ZFHX2: variants seen among roughly 807,000 people sequenced by gnomAD.
The protein encoded by ZFHX2 is zinc finger homeobox 2.
In ZFHX2, 75 loss-of-function variants were observed where a neutral mutation model predicts 164.8. The observed-to-expected ratio is 0.46, with a 90% CI of 0.38 to 0.55. The LOEUF is 0.55. Among genes scored for constraint, ZFHX2 ranks in the 20% least tolerant of loss-of-function variants. The pLI, the probability that ZFHX2 is intolerant of heterozygous loss-of-function variation, is 0.00. For missense variants in ZFHX2, 2,933 were observed against 3,308.0 expected, an observed-to-expected ratio of 0.89 and a Z score of 2.78; for synonymous variants, 1,217 against 1,351.4, an observed-to-expected ratio of 0.90 and a Z score of 2.18.
At chr14:23,547,711 A>C (rs1881534248) in intron 1 of ZFHX2, among the ~76,000 whole-genome samples, 1 of 152,110 alleles carries the variant, frequency 6.6e-6, no homozygotes, top group African/African-American at 2.4e-5. Context: ...TTTGCCCATT[A>C]ATGTAGACTT....
rs1444759945 is a variant in ZFHX2, at chr14:23,521,756, A to G, written c.*206T>C. ...TGCAAGGAGCTGAGGAGGAGGATCAATGTGTGTGTCTGTGGGGATTGGGAG... is the reference window on the plus strand; with the variant it reads ...TGCAAGGAGCTGAGGAGGAGGATCAGTGTGTGTGTCTGTGGGGATTGGGAG... On this transcript the variant is annotated 3_prime_UTR_variant, in exon 10 of 10. Coordinates refer to ENST00000419474, the MANE Select transcript of ZFHX2 (RefSeq NM_033400.3). 2 of 851,600 alleles carry G rather than the reference A, an allele frequency of 2.3e-6. No homozygotes were observed. The highest frequency in any genetic ancestry group is 2.8e-5 in the East Asian group (1 of 35,340). 52.8% of individuals were successfully genotyped at this position (851,600 alleles called of 1,614,324 possible).
Position 23,551,623 on chromosome 14 carries a change from G to T in ZFHX2, c.-330C>A. The T allele has an allele frequency of 6.5e-6, 1 of 153,492 alleles. No homozygotes were observed. Among genetic ancestry groups the T allele is most frequent in the South Asian group, 1.8e-4 (1 of 5,538 alleles). The allele number at this position is 153,492 out of a possible 1,614,324, so 9.5% of individuals were successfully genotyped here. A position where few individuals can be genotyped will look rare whatever the true frequency, so the allele number is the denominator to read the frequency against. ...CCGGCTTCGTGAGGGGGTTTCCATT[G>T]ATTCACCCTGGGCACTCGCTCGCTC... On this transcript the variant is annotated 5_prime_UTR_variant, in exon 1 of 10. Coordinates refer to ENST00000419474, the MANE Select transcript of ZFHX2 (RefSeq NM_033400.3). This position sits in a 1 kb window ranked among gnomAD's most constrained non-coding sequence, Gnocchi z 5.3.
chr14:23,530,741 C>A (rs1012337415), intron 4 of ZFHX2: 7 of 296,410 alleles, frequency 2.4e-5, no homozygotes, highest in African/African-American at 1.6e-4. Flanking sequence ...AGCTATTGAT[C>A]TGGGCCCCTC....
chr14:23,549,199 T>C lies in ZFHX2; in HGVS notation c.-50+2144A>G, dbSNP rs77494157. 4.1e-3 allele frequency among the ~76,000 whole-genome samples: 622 copies of C among 152,302 alleles called. 9 individuals are homozygous for C. Among genetic ancestry groups the C allele is most frequent in the African/African-American group, 0.014 (588 of 41,558 alleles). On this transcript the variant is annotated intron_variant, in intron 1 of 9. Coordinates refer to ENST00000419474, the MANE Select transcript of ZFHX2 (RefSeq NM_033400.3). ...GTTTTGTTTCATTCTTCCAATTTCT[T>C]ATTAATCACCCCTTGGTTCCTCCCC...
rs1881353334 is a variant in ZFHX2 at position 23,546,105 on chromosome 14, G to C, written c.-50+5238C>G. Among the ~76,000 whole-genome samples, 1 of 152,172 alleles carries C rather than the reference G, an allele frequency of 6.6e-6. No homozygotes were observed. On this transcript the variant is annotated intron_variant, in intron 1 of 9. Transcript: ENST00000419474. The surrounding 1 kb of genome is among the most constrained non-coding windows in gnomAD (Gnocchi z 4.7). ...TTAAATTCCTGCCTACACCCATTCT[G>C]CCCCACTGACTTTGCACATCAACGT...
At position 23,525,833 on chromosome 14, in the gene ZFHX2, T is replaced by C; in HGVS notation, c.4109A>G (p.His1370Arg). 6.9e-7 allele frequency: 1 copy of C among 1,454,020 alleles called. No homozygotes were observed. Among genetic ancestry groups the C allele is most frequent in the East Asian group, 2.5e-5 (1 of 40,140 alleles). 90.1% of individuals were successfully genotyped at this position (1,454,020 alleles called of 1,614,324 possible). The change falls in exon 9 of 10, where the codon CAC (histidine) becomes CGC (arginine). Residue 1370 changes from histidine to arginine, a missense_variant. Transcript: ENST00000419474. The surrounding 1 kb of genome is among the most constrained non-coding windows in gnomAD (Gnocchi z 5.9). ...CAGCTTGGGCCCCACCTTGAGATCG[T>C]GGAGGTAGAAGGGCAGGAGCAGCTG... is the stretch of plus-strand genomic sequence containing the variant. ...QQQLLLPFYL[H>R]DLKVGPKLTL... is the part of the protein sequence containing the mutation.
In ZFHX2 at chr14:23,527,200, A is replaced by T. The variant is rs77822051; in HGVS notation, c.3136-227T>A. The stretch of plus-strand genomic sequence containing the variant: ...CTCTTTCCCCAAACCAGAAGTCATC[A>T]TTCTTTGAGGCTACCTGGTCTGGCA... On this transcript the variant is annotated intron_variant, in intron 7 of 9. Coordinates refer to ENST00000419474, the MANE Select transcript of ZFHX2 (RefSeq NM_033400.3). Among the ~76,000 whole-genome samples, 949 of 152,204 alleles carry T rather than the reference A, an allele frequency of 6.2e-3. 8 individuals are homozygous for T. The highest frequency in any genetic ancestry group is 0.022 in the African/African-American group (916 of 41,522).
At chr14:23,528,902 G>A in intron 6 of ZFHX2, 1 of 910,496 alleles carries the variant, frequency 1.1e-6, no homozygotes. Context: ...TGTCAGGGAG[G>A]GGATGACTGT....
rs1405153938 is a variant in ZFHX2, at chr14:23,524,862, C to T, written c.5080G>A (p.Asp1694Asn). Reference sequence around the variant, plus strand: ...TCCTCCTCTTCAAGGGTCTGGTCATCATAGCACTTCTTGAGGTGGCGCACC... The same window carrying T: ...TCCTCCTCTTCAAGGGTCTGGTCATTATAGCACTTCTTGAGGTGGCGCACC... ...ELVRHLKKCY[D>N]DQTLEEEEEE... The change falls in exon 9 of 10, where the codon GAT becomes AAT. Residue 1694 changes from aspartate (D) to asparagine (N), a missense_variant. By Grantham distance (23) the Asp-to-Asn change is conservative (BLOSUM62 1). Transcript: ENST00000419474. The surrounding 1 kb of genome is among the most constrained non-coding windows in gnomAD (Gnocchi z 5.6). 2 of 1,536,682 alleles carry T rather than the reference C, an allele frequency of 1.3e-6. No homozygotes were observed. The highest frequency in any genetic ancestry group is 2.0e-5 in the Admixed American group (1 of 51,008).
chr14:23,554,966 G>GC (rs1366873127), upstream of ZFHX2, among the ~76,000 whole-genome samples: 1 of 152,062 alleles, frequency 6.6e-6, no homozygotes, highest in Non-Finnish European at 1.5e-5. Flanking sequence ...CATTCAAAGG[G>GC]CCAACCCCCA....
rs2138797099 is a variant in ZFHX2 at position 23,535,013 on chromosome 14, G to GC, written c.312dup (p.Leu105AlafsTer17). 1 of 1,536,116 alleles carries GC rather than the reference G, an allele frequency of 6.5e-7. No homozygotes were observed. Among genetic ancestry groups the GC allele is most frequent in the African/African-American group, 1.4e-5 (1 of 73,164 alleles). ...TGGTTGCTTAGGTCCATGGGAGGGA[G>GC]CCCTTCTTCTTCCTCCTCCTGCTCC... On this transcript the variant is annotated frameshift_variant, in exon 2 of 10. Coordinates refer to ENST00000419474, the MANE Select transcript of ZFHX2 (RefSeq NM_033400.3). LOFTEE classifies it high-confidence loss of function. This position sits in a 1 kb window ranked among gnomAD's most constrained non-coding sequence, Gnocchi z 4.5.
At chr14:23,555,207 C>T (rs924155592), upstream of ZFHX2, among the ~76,000 whole-genome samples, 4 of 152,112 alleles carry the variant, frequency 2.6e-5, no homozygotes, top group African/African-American at 7.2e-5. Context: ...CCATGTTGGC[C>T]AGGCTGGTCT....
chr14:23,549,166 A>G (rs1190152966), intron 1 of ZFHX2, among the ~76,000 whole-genome samples: 1 of 152,038 alleles, frequency 6.6e-6, no homozygotes. Context: ...CTGTATTGCT[A>G]TCAACACGTT....
intron 1 of ZFHX2, among the ~76,000 whole-genome samples, chr14:23,542,625 C>A (rs1166359214): frequency 6.6e-6 from 1 of 152,184 alleles, no homozygotes; most frequent in Non-Finnish European, 1.5e-5. Flanking sequence ...GCTCGGAACC[C>A]TTCTTCTGTA....
At position 23,532,449 on chromosome 14, in the gene ZFHX2, C is replaced by T; in HGVS notation, c.2559+118G>A. 35 of 1,269,280 alleles carry T rather than the reference C, an allele frequency of 2.8e-5. No homozygotes were observed. In the Middle Eastern group the frequency reaches 1.9e-3, roughly 70 times the overall value. 78.6% of individuals were successfully genotyped at this position (1,269,280 alleles called of 1,614,324 possible). On this transcript the variant is annotated intron_variant, in intron 3 of 9. Transcript: ENST00000419474. ...TACATATGTCATTACCTGGTGCATA[C>T]TTTCCTTTTTCTCCATTTGTCACCC... is the stretch of plus-strand genomic sequence containing the variant.
chr14:23,538,933 C>T (rs941700613), intron 1 of ZFHX2, among the ~76,000 whole-genome samples: 6 of 152,086 alleles, frequency 3.9e-5, no homozygotes, highest in Non-Finnish European at 7.3e-5. Context: ...GAGAGGATCA[C>T]ATTAGAGGCG....
rs200501430 is a variant in ZFHX2, at chr14:23,524,991, G to C, written c.4951C>G (p.Arg1651Gly). 6.5e-7 allele frequency: 1 copy of C among 1,536,184 alleles called. No homozygotes were observed. The highest frequency in any genetic ancestry group is 2.4e-5 in the East Asian group (1 of 40,896). Residue 1651 changes from arginine to glycine, a missense_variant, in exon 9 of 10, where the codon CGC becomes GGC. Coordinates refer to ENST00000419474, the MANE Select transcript of ZFHX2 (RefSeq NM_033400.3). This position sits in a 1 kb window ranked among gnomAD's most constrained non-coding sequence, Gnocchi z 5.6. ...VWFQNARQKARKNACEGGSMP... is the reference protein window; with the variant it reads ...VWFQNARQKAGKNACEGGSMP... ...GACCCACCCTCACAGGCATTTTTGC[G>C]TGCTTTCTGGCGGGCATTCTGGAAC...
chr14:23,555,246 G>T (rs916847946), upstream of ZFHX2, among the ~76,000 whole-genome samples: 1 of 152,136 alleles, frequency 6.6e-6, no homozygotes, highest in African/African-American at 2.4e-5. Context: ...TGATTCACCT[G>T]CCTCGGCTTC....
Position 23,532,711 on chromosome 14 carries a change from T to A in ZFHX2, c.2415A>T (p.Ala805=). Residue 805 remains alanine (A), a synonymous_variant, in exon 3 of 10, where the codon GCA becomes GCT. Coordinates refer to ENST00000419474, the MANE Select transcript of ZFHX2 (RefSeq NM_033400.3). ...CATAAGGAGCCCCATCTCCCAGGGA[T>A]GCTGGGGAAGGGGTGCCCATGGCTC... The part of the protein sequence containing the change: ...GGGAMGTPSP[A]SLGDGAPYGS... 1 of 1,534,370 alleles carries A rather than the reference T, an allele frequency of 6.5e-7. No individual in the cohort carries two copies. The highest frequency in any genetic ancestry group is 8.7e-7 in the Non-Finnish European group (1 of 1,145,818).
Sources: gnomAD v4.1 joint callset for allele counts (sites outside exome capture counted in the v4.1 genomes callset) on GRCh38, gnomAD v4.1.1 for gene constraint, Gnocchi (gnomAD v3.1) non-coding constraint, MANE v1.5 for transcripts, NCBI Gene and HGNC (gene_info 2026-07-23, HGNC 2026-07-21) for gene names.